Variants in IL18RAP observed in about 807,000 individuals in gnomAD.
IL18RAP encodes interleukin-18 receptor accessory protein.
A neutral mutation model predicts 58.1 loss-of-function variants in IL18RAP; 37 were observed. That is an observed-to-expected ratio of 0.64 (90% confidence interval 0.49 to 0.84). IL18RAP has a LOEUF of 0.84. IL18RAP is among the 40% of genes least tolerant of loss of function. IL18RAP has a pLI of 0.00. For missense variants in IL18RAP, 667 were observed against 704.8 expected, an observed-to-expected ratio of 0.95 and a Z score of 0.61; for synonymous variants, 268 against 257.5, an observed-to-expected ratio of 1.04 and a Z score of -0.39.
At chr2:102,437,716 AT>A (rs1228041633) in intron 4 of IL18RAP, among the ~76,000 whole-genome samples, 8 of 152,072 alleles carry the variant, frequency 5.3e-5, no homozygotes, top group African/African-American at 1.4e-4. Context: ...TCAAATCATA[AT>A]TTTTTTTCTT....
Position 102,443,374 on chromosome 2 carries a change from T to A in IL18RAP, c.920+51T>A, listed in dbSNP as rs769460898. The stretch of plus-strand genomic sequence containing the variant: ...TTCTCTGCAATTCAGAAGAGATACT[T>A]CTACCTTTAGAAATGCCTAAAGTAT... On this transcript the variant is annotated intron_variant, in intron 6 of 9. Transcript: ENST00000687160. 3.7e-5 allele frequency: 59 copies of A among 1,589,308 alleles called. No individual in the cohort carries two copies. The East Asian group carries it at 5.2e-4, about 14-fold the overall frequency.
chr2:102,452,085 G>A lies in IL18RAP; in HGVS notation c.1704G>A (p.Thr568=), dbSNP rs11465738. ...HMPVKNSQGF[T]WNQLRITSRI... ...CTGTGAAAAACTCTCAGGGATTCAC[G>A]TGGAACCAGCTCAGAATTACCTCTA... The change falls in exon 10 of 10, where the codon ACG becomes ACA. Residue 568 remains threonine (T), a synonymous_variant. Transcript: ENST00000687160. 445 of 1,614,096 alleles carry A rather than the reference G, an allele frequency of 2.8e-4. 4 individuals are homozygous for A. The African/African-American group carries it at 5.3e-3, about 19-fold the overall frequency.
chr2:102,446,718 G>T (rs1029234085), intron 7 of IL18RAP, among the ~76,000 whole-genome samples: 5 of 151,188 alleles, frequency 3.3e-5, no homozygotes, highest in Admixed American at 2.0e-4. Flanking sequence ...GGAGAATGGC[G>T]TGAACCCGGG....
intron 3 of IL18RAP, among the ~76,000 whole-genome samples, chr2:102,435,772 C>A (rs1682692422): frequency 6.6e-6 from 1 of 152,004 alleles, no homozygotes; most frequent in Non-Finnish European, 1.5e-5. Flanking sequence ...TAATACCTGC[C>A]CCTAGTAGTA....
intron 9 of IL18RAP, 57 bp downstream of exon 9, chr2:102,451,078 C>T: frequency 7.3e-7 from 1 of 1,374,530 alleles, no homozygotes. Flanking sequence ...CAATGCAATC[C>T]CCAAGTCTTT....
intron 3 of IL18RAP, among the ~76,000 whole-genome samples, chr2:102,428,236 AAAC>A (rs1682091224): frequency 6.6e-6 from 1 of 151,734 alleles, no homozygotes; most frequent in African/African-American, 2.4e-5. Context: ...TTTCTGTAAA[AAAC>A]AACGACATTT....
intron 7 of IL18RAP, among the ~76,000 whole-genome samples, chr2:102,446,392 A>C (rs189865449): frequency 2.2e-4 from 33 of 152,190 alleles, no homozygotes; most frequent in Admixed American, 6.5e-4. Context: ...AGATTTTGGC[A>C]TACCCGTCAC....
At chr2:102,443,070 T>C in intron 5 of IL18RAP, 130 bp from the exon 6 acceptor site, 1 of 810,658 alleles carries the variant, frequency 1.2e-6, no homozygotes, top group South Asian at 1.8e-5. Flanking sequence ...TCATTATTTC[T>C]GGCACACATA....
Position 102,450,949 on chromosome 2 carries a change from T to C in IL18RAP, c.1312T>C (p.Phe438Leu). 1.9e-6 allele frequency: 3 copies of C among 1,612,118 alleles called. No individual in the cohort carries two copies. The highest frequency in any genetic ancestry group is 1.7e-6 in the Non-Finnish European group (2 of 1,179,162). The change falls in exon 9 of 10, where the codon TTT becomes CTT. Residue 438 changes from phenylalanine to leucine, a missense_variant. Transcript: ENST00000687160. ...LSEEHLALSLFPDVLENKYGY... is the reference protein window; with the variant it reads ...LSEEHLALSLLPDVLENKYGY... ...TGAAGAACACTTGGCCCTGAGCCTA[T>C]TTCCTGATGTTTTAGAAAACAAATA... is the stretch of plus-strand genomic sequence containing the variant.
chr2:102,433,930 C>T (rs10166330), intron 3 of IL18RAP: 32,890 of 152,188 alleles, frequency 0.22, 4,026 homozygotes, highest in African/African-American at 0.33. Flanking sequence ...GGGCCTAGTG[C>T]TGTGGATAAC....
intron 4 of IL18RAP, chr2:102,438,890 A>G (rs757762113): frequency 2.0e-5 from 3 of 152,276 alleles, no homozygotes; most frequent in Admixed American, 6.5e-5. Context: ...AGCAAGAGAA[A>G]GGAGCACTAT....
At chr2:102,425,791 AC>A (rs1277141868) in intron 3 of IL18RAP, among the ~76,000 whole-genome samples, 10 of 152,276 alleles carry the variant, frequency 6.6e-5, no homozygotes, top group African/African-American at 2.2e-4. Flanking sequence ...ATGAATTTTT[AC>A]TTTTCAGGTG....
intron 7 of IL18RAP, 130 bp from the exon 8 acceptor site, chr2:102,446,940 T>C (rs527279698): frequency 1.5e-5 from 14 of 956,290 alleles, no homozygotes; most frequent in Non-Finnish European, 2.0e-5. Flanking sequence ...AAACTGCTGC[T>C]AGTGGCAATG....
chr2:102,421,856 C>T (rs910046637), upstream of IL18RAP, among the ~76,000 whole-genome samples: 1 of 152,260 alleles, frequency 6.6e-6, no homozygotes, highest in African/African-American at 2.4e-5. Context: ...GCCTCTTGTC[C>T]AAGATTAATC....
intron 3 of IL18RAP, among the ~76,000 whole-genome samples, chr2:102,425,618 C>T (rs573397236): frequency 6.6e-6 from 1 of 151,984 alleles, no homozygotes; most frequent in Admixed American, 6.6e-5. Context: ...AGTTCTCTCT[C>T]AAGAACAAAA....
At chr2:102,445,433 T>C in intron 7 of IL18RAP, 93 bp downstream of exon 7, 1 of 1,290,718 alleles carries the variant, frequency 7.7e-7, no homozygotes. Context: ...ATGACAGCGA[T>C]TACATTTTCT....
chr2:102,433,308 G>A (rs1682514610), intron 3 of IL18RAP, among the ~76,000 whole-genome samples: 1 of 152,146 alleles, frequency 6.6e-6, no homozygotes, highest in African/African-American at 2.4e-5. Flanking sequence ...CTGCAGTCTT[G>A]AACTTCTGGG....
intron 1 of IL18RAP, 138 bp from the exon 2 acceptor site, chr2:102,423,673 C>A (rs1351530194): frequency 1.4e-6 from 1 of 708,452 alleles, no homozygotes; most frequent in East Asian, 2.7e-5. Context: ...ACTTCCTTTC[C>A]CCTACAAAAT....
Position 102,423,828 on chromosome 2 carries a change from C to T in IL18RAP, c.88C>T (p.Leu30Phe). The change falls in exon 2 of 10, where the codon CTC (leucine) becomes TTC (phenylalanine). Residue 30 changes from leucine (L) to phenylalanine (F), a missense_variant. Coordinates refer to ENST00000687160, the MANE Select transcript of IL18RAP (RefSeq NM_001393487.1). ...FNISGCSTKKLLWTYSTRSEE... is the reference protein window; with the variant it reads ...FNISGCSTKKFLWTYSTRSEE... Reference sequence around the variant, plus strand: ...ATTTTCAGGTTGTTCCACAAAAAAACTCCTTTGGACATATTCTACAAGGAG... The same window carrying T: ...ATTTTCAGGTTGTTCCACAAAAAAATTCCTTTGGACATATTCTACAAGGAG... 6.2e-7 allele frequency: 1 copy of T among 1,610,876 alleles called. No individual in the cohort carries two copies. The highest frequency in any genetic ancestry group is 8.5e-7 in the Non-Finnish European group (1 of 1,177,832).
Sources: gnomAD v4.1 joint callset for allele counts (sites outside exome capture counted in the v4.1 genomes callset) on GRCh38, gnomAD v4.1.1 for gene constraint, MANE v1.5 for transcripts, NCBI Gene and HGNC (gene_info 2026-07-23, HGNC 2026-07-21) for gene names.